Variants in TRIP12 observed in about 807,000 individuals in gnomAD.
TRIP12 encodes the protein E3 ubiquitin-protein ligase TRIP12.
In TRIP12, 25 loss-of-function variants were observed where a neutral mutation model predicts 244.2. The ratio of observed to expected loss-of-function variants is 0.10; its 90% CI spans 0.07 to 0.14. The LOEUF (loss-of-function observed/expected upper bound fraction) is 0.14, where lower values mean the gene tolerates loss of function less well. Ranked by LOEUF, TRIP12 falls within the 10% of genes least tolerant of loss-of-function variation. The pLI is 1.00. For missense variants in TRIP12, 1,677 were observed against 2,486.4 expected, an observed-to-expected ratio of 0.67 and a Z score of 6.92; for synonymous variants, 905 against 873.1, an observed-to-expected ratio of 1.04 and a Z score of -0.64.
chr2:229,861,368 A>G (rs2060453734), intron 2 of TRIP12, among the ~76,000 whole-genome samples: 1 of 152,224 alleles, frequency 6.6e-6, no homozygotes, highest in African/African-American at 2.4e-5. Flanking sequence ...GCAATAAAAA[A>G]CAAACACATG....
intron 4 of TRIP12, among the ~76,000 whole-genome samples, chr2:229,852,469 T>C (rs1005962038): frequency 1.3e-5 from 2 of 152,198 alleles, no homozygotes; most frequent in Non-Finnish European, 2.9e-5. Flanking sequence ...AAAAAGATTT[T>C]TGAAGCCATC....
chr2:229,914,725 T>C (rs2075047180), intron 1 of TRIP12, among the ~76,000 whole-genome samples: 1 of 152,148 alleles, frequency 6.6e-6, no homozygotes, highest in African/African-American at 2.4e-5. Flanking sequence ...GTAGAACTCA[T>C]TGGTTATGAC....
intron 8 of TRIP12, among the ~76,000 whole-genome samples, chr2:229,823,167 A>G (rs1452718876): frequency 6.6e-6 from 1 of 152,244 alleles, no homozygotes; most frequent in African/African-American, 2.4e-5. Context: ...AAACAATACT[A>G]GAAGAAATAA....
chr2:229,872,465 G>C, intron 2 of TRIP12, among the ~76,000 whole-genome samples: 1 of 152,124 alleles, frequency 6.6e-6, no homozygotes, highest in Non-Finnish European at 1.5e-5. Flanking sequence ...TCAGAAGGCT[G>C]AAGGAGGAGA....
intron 4 of TRIP12, among the ~76,000 whole-genome samples, chr2:229,854,898 T>A (rs2059326658): frequency 6.6e-6 from 1 of 152,212 alleles, no homozygotes; most frequent in Non-Finnish European, 1.5e-5. Context: ...ACTTCTTAGT[T>A]CTGTGACCTT....
chr2:229,896,105 G>A (rs1161796337), intron 1 of TRIP12, among the ~76,000 whole-genome samples: 2 of 151,952 alleles, frequency 1.3e-5, no homozygotes, highest in African/African-American at 4.8e-5. Context: ...AGTGGCCCAG[G>A]AAAAAGTAAA....
chr2:229,769,456 C>CA, intron 39 of TRIP12, 131 bp from the exon 40 acceptor site: 11 of 418,434 alleles, frequency 2.6e-5, no homozygotes, highest in South Asian at 1.9e-4. Flanking sequence ...GGACCTCTTT[C>CA]CAAAAAAAAA....
chr2:229,830,775 G>C lies in TRIP12; in HGVS notation c.1335C>G (p.Ser445=). ...TTTTACCTTGCAAACGTCCCATCTC[G>C]GAATCATCTGATTCACTCTCCCCAG... ...TTSGESESDD[S]EMGRLQALLE... The change falls in exon 7 of 42, where the codon TCC becomes TCG. Residue 445 remains serine, a synonymous_variant. Coordinates refer to ENST00000675903, the MANE Select transcript of TRIP12 (RefSeq NM_001348323.3). 1 of 1,613,942 alleles carries C rather than the reference G, an allele frequency of 6.2e-7. No individual in the cohort carries two copies. Among genetic ancestry groups the C allele is most frequent in the Non-Finnish European group, 8.5e-7 (1 of 1,179,938 alleles).
intron 2 of TRIP12, among the ~76,000 whole-genome samples, chr2:229,872,249 C>T (rs993449886): frequency 5.3e-5 from 8 of 151,144 alleles, no homozygotes; most frequent in Non-Finnish European, 1.0e-4. Flanking sequence ...GGCAACATAG[C>T]GAGACCCCCA....
intron 31 of TRIP12, among the ~76,000 whole-genome samples, chr2:229,789,271 G>GCATGC (rs1559409042): frequency 6.6e-6 from 1 of 152,186 alleles, no homozygotes; most frequent in East Asian, 1.9e-4. Flanking sequence ...ATCAAAGGCA[G>GCATGC]CATGCAACTT....
rs1034564521 is a variant in TRIP12 at position 229,770,709 on chromosome 2, C to T, written c.5808+810G>A. ...TGAACTGTAACTCCCACAATTCCCA[C>T]CTGCTGTGGGAATGACCTGGTGGGA... On this transcript the variant is annotated intron_variant, in intron 39 of 41. Coordinates refer to ENST00000675903, the MANE Select transcript of TRIP12 (RefSeq NM_001348323.3). Among the ~76,000 whole-genome samples the T allele has an allele frequency of 2.0e-5, 3 of 152,264 alleles. No individual in the cohort carries two copies. In the Middle Eastern group the frequency reaches 0.01, roughly 518 times the overall value.
intron 5 of TRIP12, among the ~76,000 whole-genome samples, chr2:229,838,387 G>C (rs1050830561): frequency 1.3e-5 from 2 of 152,198 alleles, no homozygotes; most frequent in Non-Finnish European, 2.9e-5. Flanking sequence ...GACACCCTTA[G>C]TAGGTGACCA....
chr2:229,846,178 T>C (rs937083795), intron 4 of TRIP12, among the ~76,000 whole-genome samples: 3 of 152,014 alleles, frequency 2.0e-5, no homozygotes, highest in Admixed American at 2.0e-4. Context: ...AAAAATTGAC[T>C]CCAATTCTCA....
chr2:229,774,888 A>C (rs931441759), intron 37 of TRIP12, among the ~76,000 whole-genome samples: 15 of 152,150 alleles, frequency 9.9e-5, no homozygotes, highest in Admixed American at 2.6e-4. Flanking sequence ...ACTTTATAAG[A>C]CAAACGTTAA....
intron 34 of TRIP12, among the ~76,000 whole-genome samples, chr2:229,782,550 T>C (rs562301374): frequency 2.6e-5 from 4 of 152,298 alleles, no homozygotes; most frequent in African/African-American, 9.6e-5. Context: ...CTGTAATCTT[T>C]TGAGTGCAGA....
chr2:229,900,401 T>C (rs901429591), intron 1 of TRIP12, among the ~76,000 whole-genome samples: 2 of 152,178 alleles, frequency 1.3e-5, no homozygotes, highest in Admixed American at 6.5e-5. Context: ...TAAGTAGAAA[T>C]AGTAAATTGA....
chr2:229,795,281 G>C lies in TRIP12; in HGVS notation c.3866C>G (p.Pro1289Arg). 1 of 1,613,990 alleles carries C rather than the reference G, an allele frequency of 6.2e-7. No individual in the cohort carries two copies. Among genetic ancestry groups the C allele is most frequent in the Non-Finnish European group, 8.5e-7 (1 of 1,179,956 alleles). ...CATCTTGTGAACTAATGCCAACAAA[G>C]GTGCATTACCCACTGGTTCCACTCT... ...IGRVEPVGNA[P>R]LLALVHKMNN... Residue 1289 changes from proline (P) to arginine (R), a missense_variant, in exon 26 of 42, where the codon CCT (proline) becomes CGT (arginine). By Grantham distance (103) the Pro-to-Arg change is moderately radical (BLOSUM62 -2). Transcript: ENST00000675903.
At chr2:229,807,674 T>C (rs2046212736) in intron 17 of TRIP12, 34 bp downstream of exon 17, 10 of 1,613,634 alleles carry the variant, frequency 6.2e-6, no homozygotes, top group Admixed American at 3.3e-5. Flanking sequence ...TCCAACAAAA[T>C]AGACACATTT....
At chr2:229,880,223 G>C in intron 1 of TRIP12, 95 bp from the exon 2 acceptor site, 2 of 747,010 alleles carry the variant, frequency 2.7e-6, no homozygotes, top group South Asian at 3.8e-5. Context: ...GAAATTTTCT[G>C]CAAACTATCT....
Sources: allele counts gnomAD v4.1 joint callset (sites outside exome capture counted in the v4.1 genomes callset), GRCh38; gene constraint gnomAD v4.1.1; transcripts MANE v1.5; gene names NCBI Gene and HGNC (gene_info 2026-07-23, HGNC 2026-07-21).